KIF14: variants seen among roughly 807,000 people sequenced by gnomAD.
The protein encoded by KIF14 is kinesin-like protein KIF14.
A neutral mutation model predicts 176.2 loss-of-function variants in KIF14; 98 were observed. The observed-to-expected ratio is 0.56, with a 90% CI of 0.47 to 0.66. The LOEUF is 0.66. KIF14 is among the 30% of genes least tolerant of loss of function. The pLI, the probability that KIF14 is intolerant of heterozygous loss-of-function variation, is 0.00. For missense variants in KIF14, 1,751 were observed against 1,920.4 expected (o/e 0.91, Z 1.65); for synonymous variants, 566 against 632.2 (o/e 0.90, Z 1.57).
At chr1:200,595,269 T>C (rs1317375981) in intron 14 of KIF14, among the ~76,000 whole-genome samples, 1 of 100,642 alleles carries the variant, frequency 9.9e-6, no homozygotes, top group African/African-American at 3.0e-5. Flanking sequence ...AAGTATGCAG[T>C]ACTCATAACA....
At chr1:200,577,640 G>A (rs1407769153) in intron 21 of KIF14, among the ~76,000 whole-genome samples, 1 of 151,686 alleles carries the variant, frequency 6.6e-6, no homozygotes, top group Non-Finnish European at 1.5e-5. Context: ...GACGGAGGTT[G>A]CAGTGAGCCG....
intron 27 of KIF14, among the ~76,000 whole-genome samples, chr1:200,557,848 T>A (rs796756507): frequency 2.6e-5 from 4 of 152,122 alleles, no homozygotes; most frequent in African/African-American, 9.7e-5. Flanking sequence ...AGTATATACA[T>A]AAATGAGGAG....
chr1:200,570,050 G>A, intron 22 of KIF14, 45 bp from the exon 23 acceptor site: 1 of 846,906 alleles, frequency 1.2e-6, no homozygotes, highest in Non-Finnish European at 1.9e-6. Flanking sequence ...ATACCACATG[G>A]AATAATATTA....
intron 25 of KIF14, among the ~76,000 whole-genome samples, chr1:200,564,252 C>T (rs1657319013): frequency 7.1e-6 from 1 of 141,400 alleles, no homozygotes; most frequent in Non-Finnish European, 1.5e-5. Context: ...AAGAGTGAGA[C>T]TCCAGCTCAA....
chr1:200,613,171 A>T lies in KIF14; in HGVS notation c.1455+1147T>A, dbSNP rs534745357. Among the ~76,000 whole-genome samples, 11 of 152,172 alleles carry T rather than the reference A, an allele frequency of 7.2e-5. 1 individual carries two copies. The South Asian group carries it at 2.3e-3, about 32-fold the overall frequency. ...CCAAAGTACTGGGATTACAGGCATG[A>T]GCCACCGCACCCAGCCTCTAGTTTC... On this transcript the variant is annotated intron_variant, in intron 4 of 29. Transcript: ENST00000367350.
At position 200,618,365 on chromosome 1, in the gene KIF14, G is replaced by T. The variant is rs1052135132; in HGVS notation, c.359C>A (p.Thr120Lys). The T allele has an allele frequency of 6.2e-7, 1 of 1,613,924 alleles. No individual in the cohort carries two copies. Among genetic ancestry groups the T allele is most frequent in the Non-Finnish European group, 8.5e-7 (1 of 1,180,014 alleles). The change falls in exon 2 of 30, where the codon ACA (threonine) becomes AAA (lysine). Residue 120 changes from threonine to lysine, a missense_variant. Transcript: ENST00000367350. ...TTEKTAETRL[T>K]LQRRAKTDSA... ...ATCTGTTTTAGCACGACGTTGTAATGTAAGACGTGTTTCTGCTGTTTTTTC... is the reference window on the plus strand; with the variant it reads ...ATCTGTTTTAGCACGACGTTGTAATTTAAGACGTGTTTCTGCTGTTTTTTC...
intron 4 of KIF14, among the ~76,000 whole-genome samples, chr1:200,609,902 T>G (rs1005858780): frequency 6.6e-6 from 1 of 152,240 alleles, no homozygotes; most frequent in Non-Finnish European, 1.5e-5. Context: ...ACAATGTAGA[T>G]GAACCTCAAC....
At position 200,590,090 on chromosome 1, in the gene KIF14, C is replaced by CG. The variant is rs1235810052; in HGVS notation, c.2961+34dup. On this transcript the variant is annotated intron_variant, in intron 17 of 29. Coordinates refer to ENST00000367350, the MANE Select transcript of KIF14 (RefSeq NM_014875.3). ...CAACACATCACTTGGGGTACACTGT[C>CG]GGAAAAAAAAAATAAAACTAATTCT... 1.9e-6 allele frequency: 3 copies of CG among 1,576,718 alleles called. No individual in the cohort carries two copies. The African/African-American group carries it at 4.1e-5, about 22-fold the overall frequency.
chr1:200,607,351 C>T (rs999161446), intron 5 of KIF14, among the ~76,000 whole-genome samples: 1 of 152,164 alleles, frequency 6.6e-6, no homozygotes, highest in Middle Eastern at 3.4e-3. Context: ...GTTGGCTAGG[C>T]TGGTCGGGAA....
intron 23 of KIF14, among the ~76,000 whole-genome samples, chr1:200,567,638 A>G (rs1657543036): frequency 6.6e-6 from 1 of 152,074 alleles, no homozygotes; most frequent in African/African-American, 2.4e-5. Context: ...AATAAATGAG[A>G]AGCTTGACTC....
chr1:200,587,897 G>A (rs1658837431), intron 18 of KIF14, among the ~76,000 whole-genome samples: 1 of 152,092 alleles, frequency 6.6e-6, no homozygotes, highest in Non-Finnish European at 1.5e-5. Context: ...AACTCTCTGA[G>A]GTGGTTCACT....
At chr1:200,607,382 G>A (rs1351459359) in intron 5 of KIF14, among the ~76,000 whole-genome samples, 1 of 151,962 alleles carries the variant, frequency 6.6e-6, no homozygotes, top group Non-Finnish European at 1.5e-5. Context: ...CAAGTGATCC[G>A]CCCACCTCAG....
At chr1:200,572,284 CTAAT>C (rs1261574574) in intron 22 of KIF14, among the ~76,000 whole-genome samples, 2 of 152,152 alleles carry the variant, frequency 1.3e-5, no homozygotes, top group African/African-American at 4.8e-5. Context: ...TGCTGATTCC[CTAAT>C]TATTAACTTA....
chr1:200,575,508 T>A lies in KIF14; in HGVS notation c.3566+83A>T. 3.3e-6 allele frequency: 2 copies of A among 614,528 alleles called. 1 individual carries two copies. The highest frequency in any genetic ancestry group is 8.1e-5 in the South Asian group (2 of 24,716). 38.1% of individuals were successfully genotyped at this position (614,528 alleles called of 1,614,324 possible). On this transcript the variant is annotated intron_variant, in intron 22 of 29. Transcript: ENST00000367350. ...TTCTTTTAAAATAGGAAATAATATA[T>A]ATGATATACAATTTACACACACACA...
At chr1:200,577,599 G>A (rs950388165) in intron 21 of KIF14, among the ~76,000 whole-genome samples, 26 of 151,850 alleles carry the variant, frequency 1.7e-4, no homozygotes, top group African/African-American at 5.3e-4. Context: ...GATTGAGACC[G>A]CTGACGCAGG....
In KIF14 at chr1:200,617,838, G is replaced by C. The variant is rs758357213; in HGVS notation, c.886C>G (p.Leu296Val). ...KLTTKCSLPQ[L>V]KSPAPSILKN... ...AGTATTGATGGAGCTGGGCTCTTAA[G>C]CTGAGGCAGGCTGCACTTTGTTGTC... Residue 296 changes from leucine to valine, a missense_variant, in exon 2 of 30, where the codon CTT becomes GTT. Physicochemically the swap from Leu to Val is conservative, Grantham distance 32 (BLOSUM62 1). Coordinates refer to ENST00000367350, the MANE Select transcript of KIF14 (RefSeq NM_014875.3). 6.2e-7 allele frequency: 1 copy of C among 1,614,170 alleles called. No individual in the cohort carries two copies. The highest frequency in any genetic ancestry group is 1.7e-5 in the Admixed American group (1 of 60,030).
intron 2 of KIF14, among the ~76,000 whole-genome samples, chr1:200,616,608 G>T (rs2102785148): frequency 6.6e-6 from 1 of 152,306 alleles, no homozygotes; most frequent in Non-Finnish European, 1.5e-5. Context: ...CTGCCCTGAT[G>T]CAGTGGTCAC....
In KIF14 at chr1:200,605,304, G is replaced by A. The variant is rs1021461625; in HGVS notation, c.1725C>T (p.Thr575=). 2 of 1,612,784 alleles carry A rather than the reference G, an allele frequency of 1.2e-6. No individual in the cohort carries two copies. The highest frequency in any genetic ancestry group is 1.7e-6 in the Non-Finnish European group (2 of 1,179,232). Residue 575 remains threonine, a synonymous_variant, in exon 8 of 30, where the codon ACC becomes ACT. Transcript: ENST00000367350. Reference sequence around the variant, plus strand: ...ATACCTTGGTCTGGGTCATCACCAGGGTGAAAACTGAATGAGATCGGGAAC... The same window carrying A: ...ATACCTTGGTCTGGGTCATCACCAGAGTGAAAACTGAATGAGATCGGGAAC... ...DKSSRSHSVF[T]LVMTQTKTEF... is the part of the protein sequence containing the mutation.
rs762736648 is a variant in KIF14, at chr1:200,559,312, TTC to T, written c.4353+16_4353+17del. On this transcript the variant is annotated intron_variant, in intron 27 of 29. Transcript: ENST00000367350. The stretch of plus-strand genomic sequence containing the variant: ...ATATTATTTAGTACTGTACAGAATA[TTC>T]TTTTATTCATCTTACCTCATTTTTT... 8.5e-6 allele frequency: 13 copies of T among 1,524,722 alleles called. No individual in the cohort carries two copies. The highest frequency in any genetic ancestry group is 1.4e-5 in the African/African-American group (1 of 70,914). 94.4% of individuals were successfully genotyped at this position (1,524,722 alleles called of 1,614,324 possible). A position where few individuals can be genotyped will look rare whatever the true frequency, so the allele number is the denominator to read the frequency against.
Sources: allele counts gnomAD v4.1 joint callset (sites outside exome capture counted in the v4.1 genomes callset), GRCh38; gene constraint gnomAD v4.1.1; transcripts MANE v1.5; gene names NCBI Gene and HGNC (gene_info 2026-07-23, HGNC 2026-07-21).